DOCK3: variants seen among roughly 807,000 people sequenced by gnomAD.
The protein encoded by DOCK3 is dedicator of cytokinesis protein 3.
In DOCK3, 60 loss-of-function variants were observed where a neutral mutation model predicts 265.6. The observed-to-expected ratio is 0.23, with a 90% CI of 0.18 to 0.28. The LOEUF (loss-of-function observed/expected upper bound fraction) is 0.28. Among genes scored for constraint, DOCK3 ranks in the 10% least tolerant of loss-of-function variants. The probability of loss-of-function intolerance (pLI) is 1.00; values close to 1 mark genes in which losing one functional copy is unlikely to be tolerated. For missense variants in DOCK3, 1,981 were observed against 2,594.3 expected (o/e 0.76, Z 5.14); for synonymous variants, 881 against 938.0 (o/e 0.94, Z 1.11).
At chr3:51,229,483 G>A (rs757039028) in intron 18 of DOCK3, 29 bp from the exon 19 acceptor site, 5 of 1,497,802 alleles carry the variant, frequency 3.3e-6, no homozygotes, top group East Asian at 2.4e-5. Context: ...GGTTTCAAGG[G>A]TTCCTCATCT....
At chr3:51,317,074 G>C (rs1409650132) in intron 32 of DOCK3, among the ~76,000 whole-genome samples, 1 of 151,906 alleles carries the variant, frequency 6.6e-6, no homozygotes, top group Non-Finnish European at 1.5e-5. Context: ...TTTTCTTCTA[G>C]AAGTTTTATA....
At chr3:50,984,863 A>G (rs1318925192) in intron 5 of DOCK3, among the ~76,000 whole-genome samples, 2 of 152,220 alleles carry the variant, frequency 1.3e-5, no homozygotes, top group African/African-American at 2.4e-5. Flanking sequence ...TAGCATTTAC[A>G]TTTGTTATTA....
At chr3:50,902,528 C>T (rs2049252142) in intron 4 of DOCK3, among the ~76,000 whole-genome samples, 1 of 152,068 alleles carries the variant, frequency 6.6e-6, no homozygotes, top group Admixed American at 6.5e-5. Context: ...TGTTCTGTTC[C>T]ATTGGTCTGT....
intron 52 of DOCK3, among the ~76,000 whole-genome samples, chr3:51,380,429 GACA>G (rs1455354298): frequency 6.6e-6 from 1 of 152,224 alleles, no homozygotes; most frequent in African/African-American, 2.4e-5. Flanking sequence ...GGGTCCTGGA[GACA>G]ACAACACACA....
At position 50,934,016 on chromosome 3, in the gene DOCK3, T is replaced by G; in HGVS notation, c.254T>G (p.Ile85Ser). Residue 85 changes from isoleucine to serine, a missense_variant, in exon 5 of 53, where the codon ATT becomes AGT. Around this residue, in one of 4 missense-constraint regions of DOCK3, gnomAD observed 456 missense variants for 539.0 expected, o/e 0.85. Transcript: ENST00000266037. Reference protein sequence around the residue: ...YETVVPLEDSIVTEVTATLQE... With the variant: ...YETVVPLEDSSVTEVTATLQE... Reference sequence around the variant, plus strand: ...ACTGTGGTTCCACTTGAAGATTCTATTGTGACTGAGGTTACAGCAACTCTA... The same window carrying G: ...ACTGTGGTTCCACTTGAAGATTCTAGTGTGACTGAGGTTACAGCAACTCTA... The G allele has an allele frequency of 6.2e-7, 1 of 1,610,494 alleles. No individual in the cohort carries two copies. Among genetic ancestry groups the G allele is most frequent in the Non-Finnish European group, 8.5e-7 (1 of 1,178,014 alleles).
At chr3:51,285,270 A>T (rs554289372) in intron 27 of DOCK3, among the ~76,000 whole-genome samples, 4 of 152,144 alleles carry the variant, frequency 2.6e-5, no homozygotes, top group Non-Finnish European at 5.9e-5. Flanking sequence ...CATATGCAGA[A>T]ATGAACCACA....
chr3:51,214,030 A>C, intron 13 of DOCK3, 92 bp from the exon 14 acceptor site: 2 of 1,558,086 alleles, frequency 1.3e-6, no homozygotes, highest in East Asian at 2.3e-5. Context: ...TGAACTTTGC[A>C]CATTTTCTTC....
intron 1 of DOCK3, among the ~76,000 whole-genome samples, chr3:50,756,623 C>G (rs2040179363): frequency 6.6e-6 from 1 of 152,064 alleles, no homozygotes; most frequent in African/African-American, 2.4e-5. Flanking sequence ...ATATGCTTAA[C>G]TTTTTGAGTA....
At chr3:50,918,718 C>T (rs1171777159) in intron 4 of DOCK3, among the ~76,000 whole-genome samples, 1 of 152,162 alleles carries the variant, frequency 6.6e-6, no homozygotes, top group Non-Finnish European at 1.5e-5. Context: ...ATTGCCTGTT[C>T]ACTCTGATGG....
intron 4 of DOCK3, among the ~76,000 whole-genome samples, chr3:50,915,193 A>G (rs1037474963): frequency 6.6e-6 from 1 of 152,056 alleles, no homozygotes; most frequent in Non-Finnish European, 1.5e-5. Flanking sequence ...GCCTAGGAGC[A>G]GGATACAGCT....
rs201299560 is a variant in DOCK3, at chr3:51,012,952, T to TTG, written c.316-51486_316-51485dup. Among the ~76,000 whole-genome samples the TTG allele has an allele frequency of 6.7e-3, 1,025 of 152,292 alleles. 5 individuals are homozygous for TTG. Among genetic ancestry groups the TTG allele is most frequent in the Middle Eastern group, 0.024 (7 of 294 alleles). On this transcript the variant is annotated intron_variant, in intron 5 of 52. Coordinates refer to ENST00000266037, the MANE Select transcript of DOCK3 (RefSeq NM_004947.5). ...ACTTGATCGAATCAGCTACTGAAGC[T>TTG]TGTGTGTGTGTCACATAGTTCTCGT...
chr3:51,119,477 A>T lies in DOCK3; in HGVS notation c.747-27072A>T, dbSNP rs180906832. Among the ~76,000 whole-genome samples the T allele has an allele frequency of 2.0e-5, 3 of 151,942 alleles. No individual in the cohort carries two copies. In the East Asian group the frequency reaches 5.8e-4, roughly 29 times the overall value. ...TTCTTCTCAAATAGTATCTTTGTGG[A>T]GTTCTCTGTATTTCCTGAATTTGAA... On this transcript the variant is annotated intron_variant, in intron 9 of 52. Transcript: ENST00000266037.
intron 13 of DOCK3, among the ~76,000 whole-genome samples, chr3:51,211,414 A>G (rs2089491616): frequency 6.6e-6 from 1 of 151,658 alleles, no homozygotes; most frequent in South Asian, 2.1e-4. Flanking sequence ...CATGTGCACA[A>G]CCTGCAGGTT....
chr3:51,138,837 C>T (rs2084921496), intron 9 of DOCK3, among the ~76,000 whole-genome samples: 1 of 152,166 alleles, frequency 6.6e-6, no homozygotes, highest in Non-Finnish European at 1.5e-5. Context: ...TACTTTTATA[C>T]TCATGTATCT....
intron 27 of DOCK3, among the ~76,000 whole-genome samples, chr3:51,283,084 C>T (rs943238676): frequency 1.3e-5 from 2 of 152,154 alleles, no homozygotes; most frequent in Admixed American, 6.5e-5. Flanking sequence ...ATATGAAGCT[C>T]CTGACTTTCC....
chr3:51,240,537 A>T (rs1241302487), intron 21 of DOCK3, among the ~76,000 whole-genome samples: 2 of 152,094 alleles, frequency 1.3e-5, no homozygotes, highest in Non-Finnish European at 2.9e-5. Flanking sequence ...GTGGTGTTGA[A>T]GTCTCCCTCT....
At position 50,983,660 on chromosome 3, in the gene DOCK3, A is replaced by G. The variant is rs751381112; in HGVS notation, c.315+49583A>G. On this transcript the variant is annotated intron_variant, in intron 5 of 52. Coordinates refer to ENST00000266037, the MANE Select transcript of DOCK3 (RefSeq NM_004947.5). Reference sequence around the variant, plus strand: ...CTGTGAGTCTCCTCTGAGCTGTTCTATTGCCCAATAAAGATTCCCTTTGTC... The same window carrying G: ...CTGTGAGTCTCCTCTGAGCTGTTCTGTTGCCCAATAAAGATTCCCTTTGTC... Among the ~76,000 whole-genome samples, 5 of 152,224 alleles carry G rather than the reference A, an allele frequency of 3.3e-5. No homozygotes were observed. The South Asian group carries it at 6.2e-4, about 19-fold the overall frequency.
chr3:50,712,544 G>A (rs1004937611), intron 1 of DOCK3, among the ~76,000 whole-genome samples: 12 of 152,040 alleles, frequency 7.9e-5, no homozygotes, highest in Non-Finnish European at 2.9e-5. Context: ...TGCCATATTG[G>A]CCAGGCTGGT....
intron 4 of DOCK3, among the ~76,000 whole-genome samples, chr3:50,909,041 CT>C (rs1032789378): frequency 6.6e-6 from 1 of 150,962 alleles, no homozygotes; most frequent in African/African-American, 2.4e-5. Context: ...GTGATCCCTG[CT>C]TTTTTTTTGT....
Sources: allele counts gnomAD v4.1 joint callset (sites outside exome capture counted in the v4.1 genomes callset), GRCh38; gene constraint gnomAD v4.1.1; regional missense constraint gnomAD v4.1.1; transcripts MANE v1.5; gene names NCBI Gene and HGNC (gene_info 2026-07-23, HGNC 2026-07-21).